Variants in GRIA3 observed in about 807,000 individuals in gnomAD.
The protein encoded by GRIA3 is glutamate ionotropic receptor AMPA type subunit 3.
In GRIA3, 3 loss-of-function variants were observed where a neutral mutation model predicts 63.0. That is an observed-to-expected ratio of 0.05 (90% confidence interval 0.02 to 0.12). The LOEUF (loss-of-function observed/expected upper bound fraction) is 0.12, where lower values mean the gene tolerates loss of function less well. GRIA3 is among the 10% of genes least tolerant of loss of function. GRIA3 has a pLI of 1.00. For missense variants in GRIA3, 347 were observed against 700.9 expected (o/e 0.50, Z 5.70); for synonymous variants, 274 against 257.9 (o/e 1.06, Z -0.60).
chrX:123,357,318 C>T (rs1321668230), intron 5 of GRIA3, among the ~76,000 whole-genome samples: 1 of 109,971 alleles, frequency 9.1e-6, no homozygotes, highest in Non-Finnish European at 1.9e-5. Flanking sequence ...CGATCTGAGC[C>T]GTGCATAAGA....
intron 3 of GRIA3, among the ~76,000 whole-genome samples, chrX:123,317,552 G>A (rs1407416988): frequency 9.0e-6 from 1 of 111,622 alleles, no homozygotes; most frequent in Non-Finnish European, 1.9e-5. Flanking sequence ...GGGGTTACAG[G>A]GCCCATGTAA....
chrX:123,398,395 G>C (rs753560396), intron 6 of GRIA3, among the ~76,000 whole-genome samples: 4 of 111,552 alleles, frequency 3.6e-5, no homozygotes, highest in Non-Finnish European at 5.6e-5. Context: ...ACAGTATTGA[G>C]AGCAAGAGAG....
At chrX:123,453,104 C>T (rs192001766) in intron 12 of GRIA3, among the ~76,000 whole-genome samples, 3 of 111,558 alleles carry the variant, frequency 2.7e-5, no homozygotes, top group African/African-American at 6.5e-5. Context: ...ATGTTTATTG[C>T]GACACTATTC....
intron 12 of GRIA3, among the ~76,000 whole-genome samples, chrX:123,434,243 C>T (rs1443666906): frequency 2.7e-5 from 3 of 112,141 alleles, no homozygotes; most frequent in Non-Finnish European, 5.6e-5. Flanking sequence ...AATCCATCCC[C>T]TTGCCTTAGG....
At chrX:123,360,855 T>TCTCACACA (rs1400162768) in intron 5 of GRIA3, among the ~76,000 whole-genome samples, 10 of 46,511 alleles carry the variant, frequency 2.2e-4, no homozygotes, top group African/African-American at 7.3e-4. Flanking sequence ...TCTCTCTCTC[T>TCTCACACA]CACACACACA....
chrX:123,229,117 G>A (rs187001515), intron 2 of GRIA3, among the ~76,000 whole-genome samples: 4 of 111,147 alleles, frequency 3.6e-5, no homozygotes, highest in South Asian at 7.7e-4. Context: ...TCTGAGAGCC[G>A]GAAGATTTCT....
chrX:123,192,261 G>A (rs986733553), intron 2 of GRIA3, among the ~76,000 whole-genome samples: 1 of 111,597 alleles, frequency 9.0e-6, no homozygotes, highest in African/African-American at 3.3e-5. Context: ...AAAGAGGCTG[G>A]TGTGGAGACT....
At chrX:123,376,542 T>A (rs772884290) in intron 5 of GRIA3, among the ~76,000 whole-genome samples, 2 of 112,651 alleles carry the variant, frequency 1.8e-5, no homozygotes, top group East Asian at 5.5e-4. Context: ...GAAAACATAA[T>A]ACACTTTGAA....
At chrX:123,371,369 T>A (rs768464780) in intron 5 of GRIA3, among the ~76,000 whole-genome samples, 18 of 110,610 alleles carry the variant, frequency 1.6e-4, no homozygotes, top group Non-Finnish European at 3.2e-4. Context: ...CTCTTTGAGA[T>A]CCTGATTTCC....
intron 12 of GRIA3, among the ~76,000 whole-genome samples, chrX:123,458,084 G>A (rs1265443383): frequency 5.4e-5 from 6 of 110,699 alleles, no homozygotes; most frequent in Admixed American, 3.9e-4. Context: ...GCTGTACATC[G>A]TGTCGGGAAG....
intron 2 of GRIA3, among the ~76,000 whole-genome samples, chrX:123,208,941 G>A (rs1271681008): frequency 8.9e-6 from 1 of 112,224 alleles, no homozygotes; most frequent in Admixed American, 9.4e-5. Flanking sequence ...CTTTGAAGAG[G>A]TGGCACTGTC....
Position 123,245,675 on chromosome X carries a change from C to T in GRIA3, c.269-7628C>T, listed in dbSNP as rs188347906. On this transcript the variant is annotated intron_variant, in intron 2 of 15. Transcript: ENST00000620443. ...ATCAAATGCGGCTCAGCAATCAATT[C>T]GAACAACGTCTATGAATAGAGGGGG... is the stretch of plus-strand genomic sequence containing the variant. 3.9e-3 allele frequency among the ~76,000 whole-genome samples: 437 copies of T among 111,320 alleles called. 1 individual carries two copies. The highest frequency in any genetic ancestry group is 5.9e-3 in the Non-Finnish European group (313 of 53,030).
intron 2 of GRIA3, among the ~76,000 whole-genome samples, chrX:123,200,543 A>G (rs1276916307): frequency 9.3e-6 from 1 of 107,333 alleles, no homozygotes; most frequent in African/African-American, 3.4e-5. Context: ...TATATATTTT[A>G]TATATATACA....
At chrX:123,425,003 T>A (rs1291396047) in intron 11 of GRIA3, among the ~76,000 whole-genome samples, 2 of 111,906 alleles carry the variant, frequency 1.8e-5, no homozygotes, top group Non-Finnish European at 1.9e-5. Flanking sequence ...TACTCCAAAG[T>A]CAGTTTTCTC....
chrX:123,448,745 AT>A (rs2045715560), intron 12 of GRIA3, among the ~76,000 whole-genome samples: 1 of 112,501 alleles, frequency 8.9e-6, no homozygotes, highest in Non-Finnish European at 1.9e-5. Flanking sequence ...AGAAAGTTCT[AT>A]GAGATGTTGC....
intron 12 of GRIA3, among the ~76,000 whole-genome samples, chrX:123,461,414 A>G (rs1378628797): frequency 1.8e-5 from 2 of 111,766 alleles, no homozygotes; most frequent in African/African-American, 6.5e-5. Flanking sequence ...AAGGGTTAGG[A>G]AAGACTTCAC....
At chrX:123,363,763 G>A (rs2045192937) in intron 5 of GRIA3, among the ~76,000 whole-genome samples, 1 of 112,611 alleles carries the variant, frequency 8.9e-6, no homozygotes, top group South Asian at 3.7e-4. Flanking sequence ...ATGAAATATA[G>A]CAGAACCTAC....
intron 5 of GRIA3, among the ~76,000 whole-genome samples, chrX:123,383,162 A>G (rs1242339187): frequency 8.9e-6 from 1 of 112,252 alleles, no homozygotes; most frequent in Non-Finnish European, 1.9e-5. Context: ...TAAATGATAC[A>G]TATTTGTACA....
intron 15 of GRIA3, among the ~76,000 whole-genome samples, chrX:123,488,350 T>C (rs1295954429): frequency 8.9e-6 from 1 of 112,753 alleles, no homozygotes; most frequent in Non-Finnish European, 1.9e-5. Flanking sequence ...GAACACTGTT[T>C]ACCCTCTGTC....
Sources: gnomAD v4.1 joint callset for allele counts (sites outside exome capture counted in the v4.1 genomes callset) on GRCh38, gnomAD v4.1.1 for gene constraint, MANE v1.5 for transcripts, NCBI Gene and HGNC (gene_info 2026-07-23, HGNC 2026-07-21) for gene names.